The following JAZF1 variants were observed in gnomAD, a reference collection of about 807,000 sequenced individuals.
The protein encoded by JAZF1 is JAZF zinc finger 1, also known as juxtaposed with another zinc finger protein 1.
In JAZF1, 8 loss-of-function variants were observed where a neutral mutation model predicts 26.4. The observed-to-expected ratio is 0.30, with a 90% CI of 0.18 to 0.55. The LOEUF (loss-of-function observed/expected upper bound fraction) is 0.55, where lower values mean the gene tolerates loss of function less well. Among genes scored for constraint, JAZF1 ranks in the 20% least tolerant of loss-of-function variants. The pLI is 0.94. For missense variants in JAZF1, 199 were observed against 322.0 expected, an observed-to-expected ratio of 0.62 and a Z score of 2.92; for synonymous variants, 126 against 122.3, an observed-to-expected ratio of 1.03 and a Z score of -0.20.
intron 1 of JAZF1, among the ~76,000 whole-genome samples, chr7:28,052,512 C>A (rs1201799908): frequency 6.6e-6 from 1 of 152,190 alleles, no homozygotes; most frequent in Non-Finnish European, 1.5e-5. Flanking sequence ...CAAGACCTCA[C>A]CTACAAGTGG....
chr7:27,911,410 T>C (rs963534008), intron 2 of JAZF1, among the ~76,000 whole-genome samples: 8 of 152,172 alleles, frequency 5.3e-5, no homozygotes, highest in African/African-American at 1.9e-4. Context: ...ATCAGGTAGT[T>C]TGCCCAAGGA....
intron 2 of JAZF1, among the ~76,000 whole-genome samples, chr7:27,964,309 T>C (rs1785235502): frequency 6.6e-6 from 1 of 152,142 alleles, no homozygotes; most frequent in South Asian, 2.1e-4. Flanking sequence ...TGCTTCAGTG[T>C]AATTTATAAT....
At chr7:28,124,430 G>A (rs1421241222) in intron 1 of JAZF1, among the ~76,000 whole-genome samples, 2 of 152,206 alleles carry the variant, frequency 1.3e-5, no homozygotes, top group East Asian at 3.9e-4. Context: ...AGAAAGGGAA[G>A]GAAGAGGTTC....
intron 1 of JAZF1, among the ~76,000 whole-genome samples, chr7:27,999,122 T>C (rs17623527): frequency 0.023 from 3,545 of 152,308 alleles, 54 homozygotes; most frequent in Non-Finnish European, 0.035. Context: ...AAGATATGCT[T>C]GTGAAGTATA....
At chr7:27,903,397 G>A (rs1398921225) in intron 2 of JAZF1, among the ~76,000 whole-genome samples, 2 of 152,106 alleles carry the variant, frequency 1.3e-5, no homozygotes, top group African/African-American at 4.8e-5. Flanking sequence ...GTTTTACCAT[G>A]TTGCCCAGGC....
chr7:28,171,368 A>G (rs1341725139), intron 1 of JAZF1, among the ~76,000 whole-genome samples: 4 of 152,246 alleles, frequency 2.6e-5, no homozygotes, highest in African/African-American at 4.8e-5. Flanking sequence ...AATTTCAAAG[A>G]TGTTTTTCAC....
In JAZF1 at chr7:27,935,589, T is replaced by G. The variant is rs371567328; in HGVS notation, c.189-40173A>C. 9.9e-5 allele frequency among the ~76,000 whole-genome samples: 15 copies of G among 152,262 alleles called. No individual in the cohort carries two copies. In the East Asian group the frequency reaches 2.9e-3, roughly 29 times the overall value. On this transcript the variant is annotated intron_variant, in intron 2 of 4. Coordinates refer to ENST00000283928, the MANE Select transcript of JAZF1 (RefSeq NM_175061.4). ...ACTAATGTGTACGTGGTTTGAGAGATGACAAAAATATTCTAAAACTAGGTT... is the reference window on the plus strand; with the variant it reads ...ACTAATGTGTACGTGGTTTGAGAGAGGACAAAAATATTCTAAAACTAGGTT...
chr7:27,933,586 TACA>T (rs2128350439), intron 2 of JAZF1, among the ~76,000 whole-genome samples: 1 of 152,386 alleles, frequency 6.6e-6, no homozygotes, highest in African/African-American at 2.4e-5. Flanking sequence ...GAATCACATT[TACA>T]ACAACAGAGT....
chr7:28,125,941 G>C (rs1444376286), intron 1 of JAZF1, among the ~76,000 whole-genome samples: 1 of 152,214 alleles, frequency 6.6e-6, no homozygotes, highest in Admixed American at 6.5e-5. Flanking sequence ...TTGGTCTCAA[G>C]TGTAGTTTTT....
chr7:28,014,172 G>A (rs1252322983), intron 1 of JAZF1, among the ~76,000 whole-genome samples: 3 of 152,158 alleles, frequency 2.0e-5, no homozygotes, highest in Non-Finnish European at 4.4e-5. Flanking sequence ...TGCCAGTTAA[G>A]AGATTTCTTT....
At chr7:27,961,436 G>A (rs1033620345) in intron 2 of JAZF1, among the ~76,000 whole-genome samples, 2 of 152,216 alleles carry the variant, frequency 1.3e-5, no homozygotes, top group Non-Finnish European at 2.9e-5. Flanking sequence ...GCTGGTGTGT[G>A]GGTGAGTGGC....
chr7:28,096,692 A>T (rs1238547205), intron 1 of JAZF1, among the ~76,000 whole-genome samples: 1 of 151,904 alleles, frequency 6.6e-6, no homozygotes, highest in Non-Finnish European at 1.5e-5. Flanking sequence ...TTTCATTTGC[A>T]ATTTTTTTTT....
chr7:27,944,941 C>T (rs923069586), intron 2 of JAZF1, among the ~76,000 whole-genome samples: 1 of 152,108 alleles, frequency 6.6e-6, no homozygotes, highest in Non-Finnish European at 1.5e-5. Flanking sequence ...CTTTCCGGAA[C>T]GCTGTCATCT....
intron 3 of JAZF1, among the ~76,000 whole-genome samples, chr7:27,880,419 G>A (rs1438219305): frequency 6.6e-6 from 1 of 152,138 alleles, no homozygotes; most frequent in African/African-American, 2.4e-5. Context: ...CGGATCACGA[G>A]GTCAGGAGTT....
chr7:28,060,194 TTTG>T (rs1163681202), intron 1 of JAZF1, among the ~76,000 whole-genome samples: 12 of 152,240 alleles, frequency 7.9e-5, no homozygotes, highest in East Asian at 1.9e-4. Context: ...TCAAATTTTC[TTTG>T]TTATTTCAAT....
rs533496050 is a variant in JAZF1, at chr7:27,851,679, T to C, written c.386-10812A>G. On this transcript the variant is annotated intron_variant, in intron 3 of 4. Coordinates refer to ENST00000283928, the MANE Select transcript of JAZF1 (RefSeq NM_175061.4). Reference sequence around the variant, plus strand: ...ACTGTACTCCGACAAGGCAAGACCTTGTCTCCTAAAAAACAAAAAAATGCA... The same window carrying C: ...ACTGTACTCCGACAAGGCAAGACCTCGTCTCCTAAAAAACAAAAAAATGCA... 7.9e-5 allele frequency among the ~76,000 whole-genome samples: 12 copies of C among 152,286 alleles called. No individual in the cohort carries two copies. In the South Asian group the frequency reaches 2.3e-3, roughly 29 times the overall value.
intron 1 of JAZF1, among the ~76,000 whole-genome samples, chr7:27,994,462 C>A (rs202168348): frequency 0.011 from 768 of 67,638 alleles, 11 homozygotes; most frequent in African/African-American, 0.034. Context: ...AAACAAAAAA[C>A]AAAAAAAAAC....
chr7:28,165,816 T>C (rs946002567), intron 1 of JAZF1, among the ~76,000 whole-genome samples: 10 of 152,230 alleles, frequency 6.6e-5, no homozygotes, highest in Non-Finnish European at 1.2e-4. Context: ...TTCACAAGGT[T>C]ATGACTGTTT....
At chr7:27,843,626 C>G (rs1327766700) in intron 3 of JAZF1, 3 of 152,282 alleles carry the variant, frequency 2.0e-5, no homozygotes, top group Non-Finnish European at 4.4e-5. Flanking sequence ...CAGGACCAGA[C>G]AGGCCCCATC....
Sources: allele counts gnomAD v4.1 joint callset (sites outside exome capture counted in the v4.1 genomes callset), GRCh38; gene constraint gnomAD v4.1.1; transcripts MANE v1.5; gene names NCBI Gene and HGNC (gene_info 2026-07-23, HGNC 2026-07-21).